The following HDAC8 variants were observed in gnomAD, a reference collection of about 807,000 sequenced individuals.
HDAC8 encodes the protein histone deacetylase-like 1.
HDAC8 carries 1 observed loss-of-function variant against 32.2 expected under a neutral mutation model. The observed-to-expected ratio is 0.03, with a 90% CI of 0.01 to 0.15. The LOEUF is 0.15. HDAC8 is among the 10% of genes least tolerant of loss of function. The pLI is 1.00. For synonymous variants in HDAC8, 108 were observed against 113.9 expected, an observed-to-expected ratio of 0.95 and a Z score of 0.33; for missense variants, 117 against 300.0, an observed-to-expected ratio of 0.39 and a Z score of 4.51.
chrX:72,495,144 C>T lies in HDAC8; in HGVS notation c.550+12G>A. 8.6e-7 allele frequency: 1 copy of T among 1,159,818 alleles called. No homozygotes were observed. The highest frequency in any genetic ancestry group is 1.2e-6 in the Non-Finnish European group (1 of 852,353). On this transcript the variant is annotated intron_variant, in intron 5 of 10. Coordinates refer to ENST00000373573, the MANE Select transcript of HDAC8 (RefSeq NM_018486.3). ...CCTCGCAGCAAAGCATCTTTAAAACCAAAGGGCTTACCATCTCCATGGTGC... is the reference window on the plus strand; with the variant it reads ...CCTCGCAGCAAAGCATCTTTAAAACTAAAGGGCTTACCATCTCCATGGTGC...
At chrX:72,377,045 C>T (rs1555958398) in intron 9 of HDAC8, 1 of 110,634 alleles carries the variant, frequency 9.0e-6, no homozygotes, top group Non-Finnish European at 1.9e-5. Context: ...GAAACTAGTC[C>T]TTATTCCATC....
intron 9 of HDAC8, among the ~76,000 whole-genome samples, chrX:72,424,227 A>G (rs936163971): frequency 1.8e-5 from 2 of 111,302 alleles, no homozygotes; most frequent in Non-Finnish European, 3.8e-5. Flanking sequence ...TCTCCTTACA[A>G]CTGTTTACCT....
chrX:72,462,091 A>G lies in HDAC8; in HGVS notation c.918T>C (p.Tyr306=). The part of the protein sequence containing the change: ...LATLILGGGG[Y]NLANTARCWT... Reference sequence around the variant, plus strand: ...AGCATCGAGCCGTGTTGGCAAGGTTATAGCCTCCTGTCTCCATCAAGAATT... The same window carrying G: ...AGCATCGAGCCGTGTTGGCAAGGTTGTAGCCTCCTGTCTCCATCAAGAATT... Residue 306 remains tyrosine (Y), a synonymous_variant, in exon 9 of 11, where the codon TAT becomes TAC. Coordinates refer to ENST00000373573, the MANE Select transcript of HDAC8 (RefSeq NM_018486.3). The G allele has an allele frequency of 8.3e-7, 1 of 1,200,779 alleles. No homozygotes were observed. The highest frequency in any genetic ancestry group is 1.1e-6 in the Non-Finnish European group (1 of 885,778).
At chrX:72,381,072 T>C (rs2045254493) in intron 9 of HDAC8, among the ~76,000 whole-genome samples, 6 of 111,729 alleles carry the variant, frequency 5.4e-5, no homozygotes, top group Admixed American at 3.8e-4. Flanking sequence ...GGCAACATTA[T>C]ATCGTGCAGG....
intron 9 of HDAC8, among the ~76,000 whole-genome samples, chrX:72,357,369 A>T (rs1357429256): frequency 9.1e-6 from 1 of 109,676 alleles, no homozygotes; most frequent in Non-Finnish European, 1.9e-5. Context: ...CAGCAACGTA[A>T]AATCAAGGAA....
At chrX:72,542,768 C>T (rs1487198368) in intron 4 of HDAC8, among the ~76,000 whole-genome samples, 1 of 112,045 alleles carries the variant, frequency 8.9e-6, no homozygotes, top group Non-Finnish European at 1.9e-5. Flanking sequence ...TATAAAGAGT[C>T]CTTCAATTTT....
intron 4 of HDAC8, among the ~76,000 whole-genome samples, chrX:72,509,842 T>C (rs1306887101): frequency 1.8e-5 from 2 of 111,376 alleles, no homozygotes; most frequent in Non-Finnish European, 3.8e-5. Context: ...TTGAAATTAG[T>C]CAATTTTCAC....
chrX:72,486,015 G>A (rs782053905), intron 7 of HDAC8, among the ~76,000 whole-genome samples: 66 of 110,895 alleles, frequency 6.0e-4, no homozygotes, highest in Admixed American at 1.1e-3. Flanking sequence ...CCAGCTACTG[G>A]GGAGGCTGAG....
intron 4 of HDAC8, among the ~76,000 whole-genome samples, chrX:72,563,311 G>A (rs1341368430): frequency 9.0e-6 from 1 of 111,689 alleles, no homozygotes; most frequent in Admixed American, 9.5e-5. Context: ...AGCACTTTGG[G>A]AGGGCAAAGT....
At chrX:72,338,343 G>C (rs1402550014) in intron 10 of HDAC8, among the ~76,000 whole-genome samples, 1 of 110,676 alleles carries the variant, frequency 9.0e-6, no homozygotes, top group Non-Finnish European at 1.9e-5. Flanking sequence ...ATTCCCAGAG[G>C]CTTAAAGCTT....
intron 9 of HDAC8, among the ~76,000 whole-genome samples, chrX:72,457,645 ATT>A (rs2047755088): frequency 8.9e-6 from 1 of 112,109 alleles, no homozygotes; most frequent in Admixed American, 9.5e-5. Context: ...ATTCAATAAT[ATT>A]TGTGTAAGAT....
Position 72,329,983 on chromosome X carries a change from C to T in HDAC8, c.*71G>A. 1 of 1,009,826 alleles carries T rather than the reference C, an allele frequency of 9.9e-7. No homozygotes were observed. The highest frequency in any genetic ancestry group is 1.9e-5 in the African/African-American group (1 of 52,950). 83.2% of individuals were successfully genotyped at this position (1,009,826 alleles called of 1,213,427 possible). ...CTGCAGTCACAAATTCCACAAACTG[C>T]TTGCATAAACACGCTGTCTTCATTA... is the stretch of plus-strand genomic sequence containing the variant. On this transcript the variant is annotated 3_prime_UTR_variant, in exon 11 of 11. Coordinates refer to ENST00000373573, the MANE Select transcript of HDAC8 (RefSeq NM_018486.3).
chrX:72,358,322 G>T (rs1185561492), intron 9 of HDAC8, among the ~76,000 whole-genome samples: 1 of 111,579 alleles, frequency 9.0e-6, no homozygotes, highest in African/African-American at 3.3e-5. Flanking sequence ...TTCACTAAAG[G>T]AAGTACTTTA....
intron 7 of HDAC8, among the ~76,000 whole-genome samples, chrX:72,465,487 T>C (rs1555993848): frequency 9.0e-6 from 1 of 110,860 alleles, no homozygotes; most frequent in African/African-American, 3.3e-5. Context: ...CAGATGACCT[T>C]AGTCAAGCTT....
chrX:72,504,190 AAATT>A (rs2049313376), intron 4 of HDAC8, among the ~76,000 whole-genome samples: 1 of 112,016 alleles, frequency 8.9e-6, no homozygotes, highest in Admixed American at 9.5e-5. Flanking sequence ...ACATAACATA[AAATT>A]AATTATTTTA....
At chrX:72,402,372 A>G (rs1411794453) in intron 9 of HDAC8, among the ~76,000 whole-genome samples, 2 of 72,157 alleles carry the variant, frequency 2.8e-5, no homozygotes, top group African/African-American at 1.0e-4. Flanking sequence ...CTAATCTGTT[A>G]TTTCCTCCTT....
At chrX:72,493,420 GC>G (rs1336215059) in intron 5 of HDAC8, among the ~76,000 whole-genome samples, 1 of 111,399 alleles carries the variant, frequency 9.0e-6, no homozygotes, top group Admixed American at 9.5e-5. Context: ...TTGGTTCCAT[GC>G]CAGACCTACT....
rs1342103191 is a variant in HDAC8, at chrX:72,371,363, A to G, written c.1006-19525T>C. Among the ~76,000 whole-genome samples, 3 of 111,870 alleles carry G rather than the reference A, an allele frequency of 2.7e-5. No individual in the cohort carries two copies. In the East Asian group the frequency reaches 8.4e-4, roughly 31 times the overall value. On this transcript the variant is annotated intron_variant, in intron 9 of 10. Transcript: ENST00000373573. ...AGATTACTCTGGAAGTGAGTCATAC[A>G]TTAGTGAAAATTAGTTTGAGCATGC...
At chrX:72,532,473 CTTT>C (rs782603262) in intron 4 of HDAC8, among the ~76,000 whole-genome samples, 7 of 85,810 alleles carry the variant, frequency 8.2e-5, no homozygotes, top group Non-Finnish European at 1.4e-4. Flanking sequence ...TTGCTAGTGT[CTTT>C]TTTTTTTTTT....
Sources: gnomAD v4.1 joint callset for allele counts (sites outside exome capture counted in the v4.1 genomes callset) on GRCh38, gnomAD v4.1.1 for gene constraint, MANE v1.5 for transcripts, NCBI Gene and HGNC (gene_info 2026-07-23, HGNC 2026-07-21) for gene names.